Variants in PSMD1 observed in about 807,000 individuals in gnomAD.
PSMD1 encodes 26S proteasome non-ATPase regulatory subunit 1.
Under a neutral mutation model 119.0 loss-of-function variants are expected in PSMD1, and 18 were observed. That is an observed-to-expected ratio of 0.15 (90% CI 0.10 to 0.22). The LOEUF is 0.22. PSMD1 is among the 10% of genes least tolerant of loss of function. The pLI, the probability that PSMD1 is intolerant of heterozygous loss-of-function variation, is 1.00. For missense variants in PSMD1, 702 were observed against 1,158.5 expected (o/e 0.61, Z 5.72); for synonymous variants, 374 against 396.6 (o/e 0.94, Z 0.68).
At chr2:231,155,383 CTG>C (rs1004069722) in intron 19 of PSMD1, among the ~76,000 whole-genome samples, 8 of 152,028 alleles carry the variant, frequency 5.3e-5, no homozygotes, top group South Asian at 2.1e-4. Context: ...AATTTGATAA[CTG>C]TCATAAATTT....
At chr2:231,076,951 A>G in intron 8 of PSMD1, 83 bp from the exon 9 acceptor site, 2 of 1,260,170 alleles carry the variant, frequency 1.6e-6, no homozygotes, top group Non-Finnish European at 2.2e-6. Flanking sequence ...TCACTGGTTT[A>G]GGACTGATGA....
At chr2:231,083,176 G>T (rs183295457) in intron 13 of PSMD1, among the ~76,000 whole-genome samples, 182 bp downstream of exon 13, 2 of 152,232 alleles carry the variant, frequency 1.3e-5, no homozygotes, top group East Asian at 3.9e-4. Context: ...TGATATATAG[G>T]CTTTCTAAAA....
intron 21 of PSMD1, among the ~76,000 whole-genome samples, chr2:231,164,216 G>A (rs1453862581): frequency 6.6e-6 from 1 of 152,126 alleles, no homozygotes; most frequent in Non-Finnish European, 1.5e-5. Context: ...TTATACACAT[G>A]TATTTGTGCA....
chr2:231,062,374 A>G, intron 3 of PSMD1, 53 bp downstream of exon 3: 1 of 1,516,886 alleles, frequency 6.6e-7, no homozygotes, highest in Non-Finnish European at 9.1e-7. Flanking sequence ...TTAATTGTGA[A>G]TGTGGGTCTT....
rs1342304525 is a variant in PSMD1, at chr2:231,085,012, T to C, written c.1723-7T>C. 1 of 1,606,946 alleles carries C rather than the reference T, an allele frequency of 6.2e-7. No individual in the cohort carries two copies. The highest frequency in any genetic ancestry group is 1.1e-5 in the South Asian group (1 of 90,930). On this transcript the variant is annotated splice_region_variant and splice_polypyrimidine_tract_variant and intron_variant, in intron 14 of 24. Coordinates refer to ENST00000308696, the MANE Select transcript of PSMD1 (RefSeq NM_002807.4). The stretch of plus-strand genomic sequence containing the variant: ...GTTGATGATTAATGTTAAATTATTT[T>C]TCTTAGGACCCAATTCTTCGAAGGT...
intron 16 of PSMD1, among the ~76,000 whole-genome samples, chr2:231,120,314 G>A (rs1695494616): frequency 6.6e-6 from 1 of 152,130 alleles, no homozygotes; most frequent in South Asian, 2.1e-4. Context: ...CTCTTAAATG[G>A]TGAACATCCT....
chr2:231,065,128 T>A (rs937382303), intron 4 of PSMD1, among the ~76,000 whole-genome samples: 5 of 150,398 alleles, frequency 3.3e-5, no homozygotes, highest in African/African-American at 1.2e-4. Flanking sequence ...ATTATTTTTA[T>A]TTCTTGGGGC....
At position 231,061,314 on chromosome 2, in the gene PSMD1, T is replaced by A; in HGVS notation, c.60+4T>A. 6.3e-7 allele frequency: 1 copy of A among 1,586,350 alleles called. No individual in the cohort carries two copies. The highest frequency in any genetic ancestry group is 8.6e-7 in the Non-Finnish European group (1 of 1,157,870). On this transcript the variant is annotated splice_donor_region_variant and intron_variant, in intron 2 of 24. Transcript: ENST00000308696. Reference sequence around the variant, plus strand: ...TGAAGATGAACCACAGCTTAAGGTATGAATTGAAGAATAAGTAACTAGGCT... The same window carrying A: ...TGAAGATGAACCACAGCTTAAGGTAAGAATTGAAGAATAAGTAACTAGGCT...
At chr2:231,066,457 C>T (rs769159673) in intron 4 of PSMD1, among the ~76,000 whole-genome samples, 4 of 152,260 alleles carry the variant, frequency 2.6e-5, no homozygotes, top group Non-Finnish European at 5.9e-5. Flanking sequence ...GAAGCAGCAG[C>T]TATTTGTAGC....
chr2:231,103,940 G>T (rs1307066014), intron 16 of PSMD1, among the ~76,000 whole-genome samples: 1 of 152,038 alleles, frequency 6.6e-6, no homozygotes, highest in East Asian at 1.9e-4. Context: ...TGAGAAAATG[G>T]TCTGTCATGG....
In PSMD1 at chr2:231,075,582, T is replaced by C. The variant is rs747600028; in HGVS notation, c.942+11T>C. On this transcript the variant is annotated intron_variant, in intron 8 of 24. Transcript: ENST00000308696. ...AAGACACCAGAAGCCGTGAGTGTGC[T>C]TTTTTTTTTTCCTTTGAGACAGGGT... is the stretch of plus-strand genomic sequence containing the variant. The C allele has an allele frequency of 2.4e-6, 2 of 847,612 alleles. No individual in the cohort carries two copies. Among genetic ancestry groups the C allele is most frequent in the Non-Finnish European group, 3.2e-6 (2 of 620,558 alleles). 52.5% of individuals were successfully genotyped at this position (847,612 alleles called of 1,614,324 possible).
Position 231,107,165 on chromosome 2 carries a change from A to G in PSMD1, c.1883+19984A>G, listed in dbSNP as rs566888401. ...TGATATACTCTTCCCAGCAGATTAT[A>G]TATAGCCAGTAAGGAATCATAACAG... On this transcript the variant is annotated intron_variant, in intron 16 of 24. Transcript: ENST00000308696. Among the ~76,000 whole-genome samples, 14 of 152,338 alleles carry G rather than the reference A, an allele frequency of 9.2e-5. No homozygotes were observed. In the South Asian group the frequency reaches 2.1e-3, roughly 23 times the overall value.
chr2:231,075,523 A>T lies in PSMD1; in HGVS notation c.894A>T (p.Glu298Asp), dbSNP rs781760259. The change falls in exon 8 of 25, where the codon GAA becomes GAT. Residue 298 changes from glutamate to aspartate, a missense_variant. By Grantham distance (45) the Glu-to-Asp change is conservative. This residue lies in a region of PSMD1 where 69 missense variants were observed against 71.6 expected (regional missense o/e 0.96). Transcript: ENST00000308696. ...CTTTTCATTTCAGTGACTCGATGGA[A>T]ACAGAAGAAAAGACAAGCAGTGCAT... ...PGSEKDSDSM[E>D]TEEKTSSAFV... 1 of 1,612,986 alleles carries T rather than the reference A, an allele frequency of 6.2e-7. No homozygotes were observed. Among genetic ancestry groups the T allele is most frequent in the Admixed American group, 1.7e-5 (1 of 59,852 alleles).
chr2:231,118,099 T>C (rs563559365), intron 16 of PSMD1, among the ~76,000 whole-genome samples: 2 of 147,878 alleles, frequency 1.4e-5, no homozygotes, highest in Admixed American at 1.3e-4. Context: ...ATCCCTCTGC[T>C]TCTCTGTCCT....
chr2:231,079,488 A>G, intron 10 of PSMD1, 48 bp from the exon 11 acceptor site: 1 of 1,306,594 alleles, frequency 7.7e-7, no homozygotes, highest in Non-Finnish European at 1.1e-6. Context: ...AGCTTTAAGG[A>G]ATTCATTTGT....
In PSMD1 at chr2:231,151,715, A is replaced by G. The variant is rs936569425; in HGVS notation, c.2116-1849A>G. Among the ~76,000 whole-genome samples, 12 of 152,090 alleles carry G rather than the reference A, an allele frequency of 7.9e-5. 1 individual carries two copies. The highest frequency in any genetic ancestry group is 2.0e-4 in the Admixed American group (3 of 15,276). On this transcript the variant is annotated intron_variant, in intron 18 of 24. Coordinates refer to ENST00000308696, the MANE Select transcript of PSMD1 (RefSeq NM_002807.4). ...TTAGCACATAAAATTTCCATACTGT[A>G]TAAGGTAATGTAAATGTTCATCTAA... is the stretch of plus-strand genomic sequence containing the variant.
At chr2:231,078,891 T>C (rs771279030) in intron 10 of PSMD1, 144 bp downstream of exon 10, 32 of 546,964 alleles carry the variant, frequency 5.9e-5, no homozygotes, top group Non-Finnish European at 9.4e-5. Context: ...ATCTCCTGGG[T>C]TCAGGCGATT....
At chr2:231,155,520 A>G (rs1321467405) in intron 19 of PSMD1, among the ~76,000 whole-genome samples, 1 of 151,054 alleles carries the variant, frequency 6.6e-6, no homozygotes, top group Non-Finnish European at 1.5e-5. Flanking sequence ...AAAAAAATCC[A>G]TATCTCCTTT....
intron 17 of PSMD1, among the ~76,000 whole-genome samples, chr2:231,145,180 C>T (rs896016866): frequency 2.6e-5 from 4 of 152,270 alleles, no homozygotes; most frequent in African/African-American, 9.6e-5. Context: ...AACAGGGATG[C>T]GTTCTGAGAA....
Sources: gnomAD v4.1 joint callset for allele counts (sites outside exome capture counted in the v4.1 genomes callset) on GRCh38, gnomAD v4.1.1 for gene constraint, gnomAD v4.1.1 regional missense constraint, MANE v1.5 for transcripts, NCBI Gene and HGNC (gene_info 2026-07-23, HGNC 2026-07-21) for gene names.